The following RTF1 variants were observed in gnomAD, a reference collection of about 807,000 sequenced individuals.
RTF1 encodes the protein RNA polymerase-associated protein RTF1 homolog.
A neutral mutation model predicts 95.7 loss-of-function variants in RTF1; 10 were observed. The observed-to-expected ratio is 0.10, with a 90% CI of 0.06 to 0.18. RTF1 has a LOEUF of 0.18. Ranked by LOEUF, RTF1 falls within the 10% of genes least tolerant of loss-of-function variation. RTF1 has a pLI of 1.00. For synonymous variants in RTF1, 305 were observed against 311.8 expected (o/e 0.98, Z 0.23); for missense variants, 458 against 875.6 (o/e 0.52, Z 6.02).
At chr15:41,433,538 T>C (rs1160753375) in intron 1 of RTF1, among the ~76,000 whole-genome samples, 1 of 152,090 alleles carries the variant, frequency 6.6e-6, no homozygotes, top group Non-Finnish European at 1.5e-5. Flanking sequence ...TTTCACCATG[T>C]TGGCCAGGCA....
At chr15:41,436,142 A>T (rs541503191) in intron 1 of RTF1, among the ~76,000 whole-genome samples, 1 of 151,976 alleles carries the variant, frequency 6.6e-6, no homozygotes, top group African/African-American at 2.4e-5. Context: ...CCCCATTTCT[A>T]CTAAAAGTAC....
At chr15:41,437,860 G>A (rs73407127) in intron 1 of RTF1, among the ~76,000 whole-genome samples, 1,630 of 152,238 alleles carry the variant, frequency 0.011, 34 homozygotes, top group African/African-American at 0.037. Flanking sequence ...TCTGGTTTAA[G>A]TATTCAAAAT....
chr15:41,438,946 A>G (rs1595428866), intron 2 of RTF1, among the ~76,000 whole-genome samples: 1 of 150,404 alleles, frequency 6.6e-6, no homozygotes, highest in African/African-American at 2.4e-5. Flanking sequence ...CCTCTGCAGG[A>G]CATGCGTAGT....
intron 7 of RTF1, 37 bp from the exon 8 acceptor site, chr15:41,471,135 A>G (rs1566848259): frequency 1.1e-5 from 17 of 1,551,050 alleles, no homozygotes; most frequent in Non-Finnish European, 1.5e-5. Context: ...TGTTTTTATG[A>G]TGAACATTTT....
intron 2 of RTF1, among the ~76,000 whole-genome samples, chr15:41,449,259 C>A (rs1266514033): frequency 4.3e-5 from 5 of 115,576 alleles, no homozygotes; most frequent in Non-Finnish European, 8.2e-5. Flanking sequence ...GAGACAGAGT[C>A]TCGCTCTGTT....
At chr15:41,447,688 A>G (rs996016682) in intron 2 of RTF1, among the ~76,000 whole-genome samples, 6 of 152,190 alleles carry the variant, frequency 3.9e-5, no homozygotes, top group African/African-American at 1.2e-4. Context: ...AGTCCTGACA[A>G]TGGATCCTTT....
chr15:41,480,585 A>T lies in RTF1; in HGVS notation c.2031A>T (p.Ser677=). 1 of 1,613,162 alleles carries T rather than the reference A, an allele frequency of 6.2e-7. No homozygotes were observed. Among genetic ancestry groups the T allele is most frequent in the South Asian group, 1.1e-5 (1 of 91,058 alleles). The part of the protein sequence containing the change: ...KIDLQVPSSE[S]KALAITSKAP... The stretch of plus-strand genomic sequence containing the variant: ...ACTTGCTCTTCTTTCCCACAGAGTC[A>T]AAGGCTTTAGCCATCACCTCCAAGG... The change falls in exon 18 of 18, where the codon TCA becomes TCT. Residue 677 remains serine (S), a synonymous_variant. Transcript: ENST00000389629.
At chr15:41,423,530 C>T (rs1047974020) in intron 1 of RTF1, among the ~76,000 whole-genome samples, 1 of 151,974 alleles carries the variant, frequency 6.6e-6, no homozygotes, top group East Asian at 1.9e-4. Context: ...CCACCACTCC[C>T]GGCTAATTTT....
At chr15:41,466,912 T>A (rs1252245894) in intron 6 of RTF1, among the ~76,000 whole-genome samples, 16 of 152,224 alleles carry the variant, frequency 1.1e-4, no homozygotes, top group Admixed American at 1.0e-3. Context: ...TTCCTGTAAA[T>A]GGTTAGTTAG....
Position 41,480,747 on chromosome 15 carries a change from C to A in RTF1, c.*60C>A. The A allele has an allele frequency of 8.0e-7, 1 of 1,249,276 alleles. No individual in the cohort carries two copies. The highest frequency in any genetic ancestry group is 1.5e-5 in the African/African-American group (1 of 67,882). 77.4% of individuals were successfully genotyped at this position (1,249,276 alleles called of 1,614,324 possible). A position where few individuals can be genotyped will look rare whatever the true frequency, so the allele number is the denominator to read the frequency against. ...CCCATCGCAGCGTCCCACCTTTCCT[C>A]CTTTCCTTTGATTTAGCCTCTTTGG... On this transcript the variant is annotated 3_prime_UTR_variant, in exon 18 of 18. Transcript: ENST00000389629.
intron 4 of RTF1, among the ~76,000 whole-genome samples, chr15:41,462,146 G>A (rs2050852722): frequency 6.6e-6 from 1 of 152,042 alleles, no homozygotes; most frequent in Non-Finnish European, 1.5e-5. Flanking sequence ...TGATATTTTA[G>A]TAGTTCGTTT....
chr15:41,457,604 A>T, intron 3 of RTF1, 68 bp from the exon 4 acceptor site: 2 of 1,355,734 alleles, frequency 1.5e-6, no homozygotes, highest in South Asian at 2.4e-5. Context: ...TGTTGTCAAC[A>T]TTGTGGAGCC....
chr15:41,442,312 C>G (rs571207920), intron 2 of RTF1, among the ~76,000 whole-genome samples: 1 of 151,752 alleles, frequency 6.6e-6, no homozygotes, highest in Non-Finnish European at 1.5e-5. Context: ...GGACTACAGG[C>G]GCTCACCACC....
intron 4 of RTF1, among the ~76,000 whole-genome samples, chr15:41,459,552 T>G (rs2050836737): frequency 6.6e-6 from 1 of 152,180 alleles, no homozygotes; most frequent in Admixed American, 6.6e-5. Context: ...ATGTAAAAAT[T>G]AAATGAACAA....
chr15:41,468,519 A>T (rs184147073), intron 6 of RTF1, among the ~76,000 whole-genome samples: 3 of 151,998 alleles, frequency 2.0e-5, no homozygotes, highest in African/African-American at 7.2e-5. Context: ...GGGTTTCACC[A>T]TGTTAGCCAG....
chr15:41,432,069 G>T (rs997056461), intron 1 of RTF1, among the ~76,000 whole-genome samples: 2 of 152,048 alleles, frequency 1.3e-5, no homozygotes, highest in Non-Finnish European at 2.9e-5. Flanking sequence ...AAAATGCTGG[G>T]ATTACAGGCA....
At chr15:41,426,777 A>ATG (rs1456914265) in intron 1 of RTF1, among the ~76,000 whole-genome samples, 12 of 47,174 alleles carry the variant, frequency 2.5e-4, no homozygotes, top group African/African-American at 6.0e-4. Flanking sequence ...GCCGCTACAT[A>ATG]TATATGTGTG....
In RTF1 at chr15:41,445,636, C is replaced by G. The variant is rs149875154; in HGVS notation, c.309+7205C>G. On this transcript the variant is annotated intron_variant, in intron 2 of 17. Coordinates refer to ENST00000389629, the MANE Select transcript of RTF1 (RefSeq NM_015138.5). ...GGAAAAGAAAGCTAAGAAAGCTAAGCTATTCTTCATGTCTTCAGGCTGACA... is the reference window on the plus strand; with the variant it reads ...GGAAAAGAAAGCTAAGAAAGCTAAGGTATTCTTCATGTCTTCAGGCTGACA... Among the ~76,000 whole-genome samples, 421 of 151,902 alleles carry G rather than the reference C, an allele frequency of 2.8e-3. 1 individual carries two copies. The highest frequency in any genetic ancestry group is 9.6e-3 in the African/African-American group (398 of 41,432).
chr15:41,422,148 C>T (rs2050605877), intron 1 of RTF1, among the ~76,000 whole-genome samples: 1 of 152,118 alleles, frequency 6.6e-6, no homozygotes, highest in African/African-American at 2.4e-5. Flanking sequence ...AATTCTCCTG[C>T]CTCAGCCTCC....
Sources: allele counts gnomAD v4.1 joint callset (sites outside exome capture counted in the v4.1 genomes callset), GRCh38; gene constraint gnomAD v4.1.1; transcripts MANE v1.5; gene names NCBI Gene and HGNC (gene_info 2026-07-23, HGNC 2026-07-21).